The following PCSK1 variants were observed in gnomAD, a reference collection of about 807,000 sequenced individuals.
The protein encoded by PCSK1 is neuroendocrine convertase 1.
In PCSK1, 56 loss-of-function variants were observed where a neutral mutation model predicts 90.6. The observed-to-expected ratio is 0.62, with a 90% CI of 0.50 to 0.77. PCSK1 has a LOEUF of 0.77. Ranked by LOEUF, PCSK1 falls within the 30% of genes least tolerant of loss-of-function variation. PCSK1 has a pLI of 0.00. For synonymous variants in PCSK1, 348 were observed against 342.4 expected (o/e 1.02, Z -0.18); for missense variants, 801 against 932.6 (o/e 0.86, Z 1.84).
chr5:96,412,921 C>T, intron 6 of PCSK1: 2 of 868,144 alleles, frequency 2.3e-6, no homozygotes, highest in Non-Finnish European at 2.8e-6. Flanking sequence ...AATGACAGAC[C>T]AGCTTTCAGA....
chr5:96,400,259 A>G, intron 9 of PCSK1, 73 bp from the exon 10 acceptor site: 1 of 972,870 alleles, frequency 1.0e-6, no homozygotes, highest in Non-Finnish European at 1.7e-6. Flanking sequence ...TGCTAACAAT[A>G]AGCATCTCCA....
In PCSK1 at chr5:96,400,016, C is replaced by T; in HGVS notation, c.1367G>A (p.Arg456Lys). The T allele has an allele frequency of 6.2e-7, 1 of 1,614,206 alleles. No homozygotes were observed. ...CTTCTCAGGCACGCTCCTCCAGGTC[C>T]TGGGGTCAGCTAAATCCACCAGAGC... ...AKALVDLADP[R>K]TWRSVPEKKE... Residue 456 changes from arginine to lysine, a missense_variant, in exon 10 of 14, where the codon AGG becomes AAG. Coordinates refer to ENST00000311106, the MANE Select transcript of PCSK1 (RefSeq NM_000439.5).
chr5:96,407,802 T>A (rs1760623634), intron 9 of PCSK1, among the ~76,000 whole-genome samples: 1 of 152,246 alleles, frequency 6.6e-6, no homozygotes, highest in Non-Finnish European at 1.5e-5. Flanking sequence ...AGGAGTTTTT[T>A]AAACTTGTTC....
At chr5:96,413,282 C>T (rs549378521) in intron 6 of PCSK1, among the ~76,000 whole-genome samples, 3 of 152,306 alleles carry the variant, frequency 2.0e-5, no homozygotes, top group South Asian at 2.1e-4. Context: ...TGCTTTCCAA[C>T]AGGCTGTCAC....
intron 5 of PCSK1, among the ~76,000 whole-genome samples, chr5:96,421,344 G>A (rs537725306): frequency 1.8e-4 from 27 of 152,252 alleles, no homozygotes; most frequent in Non-Finnish European, 2.9e-4. Flanking sequence ...ACTTCCGGCT[G>A]GCTCAATGCC....
chr5:96,411,122 C>A, intron 7 of PCSK1, 136 bp from the exon 8 acceptor site: 2 of 742,378 alleles, frequency 2.7e-6, no homozygotes, highest in South Asian at 3.1e-5. Context: ...AATTCCAGAT[C>A]TTTTGGCTTC....
intron 13 of PCSK1, among the ~76,000 whole-genome samples, chr5:96,393,712 A>G (rs919905714): frequency 1.3e-5 from 2 of 152,244 alleles, no homozygotes; most frequent in Admixed American, 1.3e-4. Flanking sequence ...GCCTGCTGTC[A>G]TGGAATCCAT....
intron 9 of PCSK1, among the ~76,000 whole-genome samples, chr5:96,407,736 C>T (rs2112414204): frequency 6.6e-6 from 1 of 152,314 alleles, no homozygotes; most frequent in East Asian, 1.9e-4. Flanking sequence ...CTTTAAATCT[C>T]ATGTCCCCTG....
At chr5:96,417,956 AAG>A (rs1760986690) in intron 5 of PCSK1, among the ~76,000 whole-genome samples, 1 of 152,244 alleles carries the variant, frequency 6.6e-6, no homozygotes, top group African/African-American at 2.4e-5. Flanking sequence ...GATGGGAGAC[AAG>A]GCTCAGGTCA....
At position 96,392,808 on chromosome 5, in the gene PCSK1, T is replaced by C; in HGVS notation, c.*193A>G. On this transcript the variant is annotated 3_prime_UTR_variant, in exon 14 of 14. Coordinates refer to ENST00000311106, the MANE Select transcript of PCSK1 (RefSeq NM_000439.5). ...AAGATGTGTTTTGAAATACCTATGA[T>C]CAATTCTGGAAGTTGAACTTCCTGC... The C allele has an allele frequency of 3.1e-6, 2 of 648,946 alleles. No individual in the cohort carries two copies. The highest frequency in any genetic ancestry group is 5.8e-4 in the Middle Eastern group (2 of 3,458). 40.2% of individuals were successfully genotyped at this position (648,946 alleles called of 1,614,324 possible).
intron 6 of PCSK1, chr5:96,412,994 G>A: frequency 1.0e-6 from 1 of 997,318 alleles, no homozygotes; most frequent in Non-Finnish European, 1.2e-6. Context: ...AATGGCTGTG[G>A]CCCAGTCTAC....
At chr5:96,397,575 A>C (rs1323638403) in intron 11 of PCSK1, 106 bp from the exon 12 acceptor site, 3 of 1,062,114 alleles carry the variant, frequency 2.8e-6, no homozygotes, top group Non-Finnish European at 4.3e-6. Context: ...GAGTTCTCCT[A>C]ATTTTCTCTT....
chr5:96,408,575 C>T (rs961872451), intron 8 of PCSK1, among the ~76,000 whole-genome samples: 1 of 152,166 alleles, frequency 6.6e-6, no homozygotes, highest in African/African-American at 2.4e-5. Context: ...ACTCCCACTA[C>T]GAATATTTTC....
At chr5:96,404,537 C>T (rs916497571) in intron 9 of PCSK1, among the ~76,000 whole-genome samples, 2 of 152,184 alleles carry the variant, frequency 1.3e-5, no homozygotes, top group African/African-American at 2.4e-5. Context: ...GGCTATATAA[C>T]ATTTAACACA....
chr5:96,412,504 TAAAC>T lies in PCSK1; in HGVS notation c.710-18_710-15del, dbSNP rs778402703. 23 of 1,612,172 alleles carry T rather than the reference TAAAC, an allele frequency of 1.4e-5. No individual in the cohort carries two copies. The highest frequency in any genetic ancestry group is 3.3e-5 in the South Asian group (3 of 91,034). On this transcript the variant is annotated splice_polypyrimidine_tract_variant and intron_variant, in intron 6 of 13. Transcript: ENST00000311106. ...GCATTCTTATGCCTGAGAAACAAAA[TAAAC>T]AAAGACACACAAAGGTTGATGTCAG... is the stretch of plus-strand genomic sequence containing the variant.
rs2112381546 is a variant in PCSK1 at position 96,390,445 on chromosome 5, G to C, written c.*2556C>G. The C allele has an allele frequency of 1.3e-5, 2 of 152,318 alleles. No homozygotes were observed. The highest frequency in any genetic ancestry group is 4.8e-5 in the African/African-American group (2 of 41,564). 9.4% of individuals were successfully genotyped at this position (152,318 alleles called of 1,614,324 possible). A position where few individuals can be genotyped will look rare whatever the true frequency, so the allele number is the denominator to read the frequency against. ...GGTCAATACATCAAATGTATAATGT[G>C]GAAGTTCCCTTAAGAATACCAAGAC... On this transcript the variant is annotated 3_prime_UTR_variant, in exon 14 of 14. Transcript: ENST00000311106.
Position 96,392,921 on chromosome 5 carries a change from A to C in PCSK1, c.*80T>G. The C allele has an allele frequency of 7.0e-7, 1 of 1,422,980 alleles. No homozygotes were observed. Among genetic ancestry groups the C allele is most frequent in the Admixed American group, 1.7e-5 (1 of 59,480 alleles). The allele number at this position is 1,422,980 out of a possible 1,614,324, so 88.1% of individuals were successfully genotyped here. On this transcript the variant is annotated 3_prime_UTR_variant, in exon 14 of 14. Transcript: ENST00000311106. ...TTATAAGCATAAGAATTCATGACAAAACAACCACTTCAGACACAGGCAAAA... is the reference window on the plus strand; with the variant it reads ...TTATAAGCATAAGAATTCATGACAACACAACCACTTCAGACACAGGCAAAA...
At chr5:96,422,980 G>T (rs77526213) in intron 4 of PCSK1, among the ~76,000 whole-genome samples, 1 of 151,574 alleles carries the variant, frequency 6.6e-6, no homozygotes, top group African/African-American at 2.4e-5. Flanking sequence ...ATGATCTCAG[G>T]CAAGGGGCTT....
At chr5:96,408,900 G>A (rs1041492689) in intron 8 of PCSK1, among the ~76,000 whole-genome samples, 2 of 152,198 alleles carry the variant, frequency 1.3e-5, no homozygotes, top group Admixed American at 1.3e-4. Flanking sequence ...TGAGGAAAAC[G>A]ATGGGTCTTT....
Sources: gnomAD v4.1 joint callset for allele counts (sites outside exome capture counted in the v4.1 genomes callset) on GRCh38, gnomAD v4.1.1 for gene constraint, MANE v1.5 for transcripts, NCBI Gene and HGNC (gene_info 2026-07-23, HGNC 2026-07-21) for gene names.